The following PPM1H variants were observed in gnomAD, a reference collection of about 807,000 sequenced individuals.
The protein encoded by PPM1H is protein phosphatase, Mg2+/Mn2+ dependent 1H.
Under a neutral mutation model 54.9 loss-of-function variants are expected in PPM1H, and 27 were observed. The observed-to-expected ratio is 0.49, with a 90% CI of 0.36 to 0.68. The LOEUF is 0.68. Ranked by LOEUF, PPM1H falls within the 30% of genes least tolerant of loss-of-function variation. The pLI, the probability that PPM1H is intolerant of heterozygous loss-of-function variation, is 0.00. For missense variants in PPM1H, 596 were observed against 667.8 expected (o/e 0.89, Z 1.19); for synonymous variants, 305 against 270.8 (o/e 1.13, Z -1.24).
intron 1 of PPM1H, among the ~76,000 whole-genome samples, chr12:62,925,445 G>C (rs1345708001): frequency 6.6e-6 from 1 of 152,202 alleles, no homozygotes. Context: ...AGGCGTGGTG[G>C]CATGTGCCTG....
At chr12:62,751,988 C>T (rs1280216632) in intron 4 of PPM1H, among the ~76,000 whole-genome samples, 1 of 152,214 alleles carries the variant, frequency 6.6e-6, no homozygotes, top group Admixed American at 6.5e-5. Context: ...CAGTTCCTTA[C>T]AAGCAAAGGC....
chr12:62,924,748 A>G (rs995599645), intron 1 of PPM1H, among the ~76,000 whole-genome samples: 8 of 152,236 alleles, frequency 5.3e-5, no homozygotes, highest in African/African-American at 1.9e-4. Context: ...AACTGATTGA[A>G]GAAATGCAAT....
intron 5 of PPM1H, among the ~76,000 whole-genome samples, chr12:62,732,839 T>C (rs1349715431): frequency 6.6e-6 from 1 of 152,168 alleles, no homozygotes; most frequent in Non-Finnish European, 1.5e-5. Context: ...TCATATACCC[T>C]AAATATAAAA....
chr12:62,863,663 C>G (rs1019046477), intron 1 of PPM1H, among the ~76,000 whole-genome samples: 3 of 152,116 alleles, frequency 2.0e-5, no homozygotes, highest in African/African-American at 7.2e-5. Flanking sequence ...ACTATAGGCA[C>G]TATAGGGTTG....
rs1468943761 is a variant in PPM1H, at chr12:62,934,837, G to A, written c.-101C>T. ...AGGCTGCGGTGGGCGCCGGGCGCAC[G>A]GCGAGTCGGGCCACTGGGACGCGCC... On this transcript the variant is annotated 5_prime_UTR_variant, in exon 1 of 10. Coordinates refer to ENST00000228705, the MANE Select transcript of PPM1H (RefSeq NM_020700.2). The surrounding 1 kb of genome is among the most constrained non-coding windows in gnomAD (Gnocchi z 4.2). The A allele has an allele frequency of 2.6e-6, 3 of 1,172,052 alleles. No homozygotes were observed. The highest frequency in any genetic ancestry group is 1.6e-5 in the African/African-American group (1 of 62,038). 72.6% of individuals were successfully genotyped at this position (1,172,052 alleles called of 1,614,324 possible). A position where few individuals can be genotyped will look rare whatever the true frequency, so the allele number is the denominator to read the frequency against.
intron 4 of PPM1H, among the ~76,000 whole-genome samples, chr12:62,738,619 G>A (rs951868711): frequency 6.6e-6 from 1 of 152,150 alleles, no homozygotes; most frequent in African/African-American, 2.4e-5. Context: ...TCGATCGGTT[G>A]TGGCAGAATG....
intron 3 of PPM1H, among the ~76,000 whole-genome samples, chr12:62,798,428 G>A (rs1251556903): frequency 6.6e-6 from 1 of 152,150 alleles, no homozygotes. Flanking sequence ...TCAGCTTTCA[G>A]CTTAATTTTT....
chr12:62,908,662 A>C (rs931228962), intron 1 of PPM1H, among the ~76,000 whole-genome samples: 2 of 152,186 alleles, frequency 1.3e-5, no homozygotes, highest in African/African-American at 4.8e-5. Context: ...AACCACCCGA[A>C]GGAATGGACT....
chr12:62,818,820 TC>T (rs2076885325), intron 2 of PPM1H, among the ~76,000 whole-genome samples: 3 of 146,298 alleles, frequency 2.1e-5, no homozygotes, highest in African/African-American at 8.1e-5. Flanking sequence ...TTTTTCTTTT[TC>T]TTTTTTTTTT....
At chr12:62,812,581 C>T (rs544107963) in intron 2 of PPM1H, among the ~76,000 whole-genome samples, 1 of 151,988 alleles carries the variant, frequency 6.6e-6, no homozygotes, top group African/African-American at 2.4e-5. Context: ...CACACAAATG[C>T]CTACCTACTT....
At chr12:62,878,832 C>T (rs952215556) in intron 1 of PPM1H, among the ~76,000 whole-genome samples, 1 of 151,928 alleles carries the variant, frequency 6.6e-6, no homozygotes, top group African/African-American at 2.4e-5. Flanking sequence ...CCCAATTACT[C>T]GGGAGGCTAA....
chr12:62,759,789 C>T (rs2076496613), intron 4 of PPM1H, among the ~76,000 whole-genome samples: 1 of 151,436 alleles, frequency 6.6e-6, no homozygotes, highest in South Asian at 2.1e-4. Context: ...GCACCTCCCA[C>T]CCCATTTCCA....
intron 8 of PPM1H, among the ~76,000 whole-genome samples, chr12:62,676,628 G>A (rs1357818831): frequency 6.6e-6 from 1 of 152,132 alleles, no homozygotes; most frequent in Non-Finnish European, 1.5e-5. Flanking sequence ...GGTCACTGTC[G>A]TGACCCGGCT....
chr12:62,906,324 A>G (rs1476390077), intron 1 of PPM1H, among the ~76,000 whole-genome samples: 2 of 152,224 alleles, frequency 1.3e-5, no homozygotes, highest in African/African-American at 4.8e-5. Flanking sequence ...TGGCATTGGT[A>G]TTTTACAACA....
intron 1 of PPM1H, among the ~76,000 whole-genome samples, chr12:62,918,986 A>G (rs2121162080): frequency 2.6e-5 from 4 of 152,362 alleles, no homozygotes; most frequent in Middle Eastern, 6.8e-3. Context: ...ACAGGTTAGT[A>G]AACATCTAAA....
At chr12:62,819,763 C>A (rs199932482) in intron 2 of PPM1H, among the ~76,000 whole-genome samples, 1 of 125,210 alleles carries the variant, frequency 8.0e-6, no homozygotes, top group Non-Finnish European at 1.8e-5. Flanking sequence ...TATTTTATTT[C>A]TTTTAAGTCA....
chr12:62,866,175 C>T (rs539987590), intron 1 of PPM1H, among the ~76,000 whole-genome samples: 1 of 152,214 alleles, frequency 6.6e-6, no homozygotes, highest in African/African-American at 2.4e-5. Flanking sequence ...TTCCTGTGTC[C>T]CTTGATCTCA....
chr12:62,723,318 C>T (rs991149378), intron 5 of PPM1H, among the ~76,000 whole-genome samples: 10 of 151,200 alleles, frequency 6.6e-5, no homozygotes, highest in East Asian at 1.9e-4. Flanking sequence ...AAAAAAGTAG[C>T]GGTGCTTTCA....
At chr12:62,875,426 G>T (rs1870125792) in intron 1 of PPM1H, among the ~76,000 whole-genome samples, 1 of 152,222 alleles carries the variant, frequency 6.6e-6, no homozygotes, top group Non-Finnish European at 1.5e-5. Context: ...CACCCTTACA[G>T]GGTGAATGTA....
Sources: gnomAD v4.1 joint callset for allele counts (sites outside exome capture counted in the v4.1 genomes callset) on GRCh38, gnomAD v4.1.1 for gene constraint, Gnocchi (gnomAD v3.1) non-coding constraint, MANE v1.5 for transcripts, NCBI Gene and HGNC (gene_info 2026-07-23, HGNC 2026-07-21) for gene names.